Variants in LDB2 observed in about 807,000 individuals in gnomAD.
LDB2 encodes LIM domain-binding protein 2.
Under a neutral mutation model 44.3 loss-of-function variants are expected in LDB2, and 12 were observed. That is an observed-to-expected ratio of 0.27 (90% CI 0.17 to 0.44). The LOEUF is 0.44. Ranked by LOEUF, LDB2 falls within the 20% of genes least tolerant of loss-of-function variation. LDB2 has a pLI of 1.00. For synonymous variants in LDB2, 164 were observed against 174.8 expected, an observed-to-expected ratio of 0.94 and a Z score of 0.49; for missense variants, 344 against 473.5, an observed-to-expected ratio of 0.73 and a Z score of 2.54.
chr4:16,606,884 G>A (rs1230238023), intron 2 of LDB2, among the ~76,000 whole-genome samples: 2 of 152,276 alleles, frequency 1.3e-5, no homozygotes, highest in East Asian at 1.9e-4. Context: ...ATATCAACAC[G>A]ATTCATCTGG....
chr4:16,561,392 A>G (rs1212415244), intron 5 of LDB2, among the ~76,000 whole-genome samples: 1 of 152,164 alleles, frequency 6.6e-6, no homozygotes, highest in Non-Finnish European at 1.5e-5. Flanking sequence ...AAATCAATGT[A>G]CAAAAATCAC....
At chr4:16,524,466 G>A (rs1727471369) in intron 5 of LDB2, among the ~76,000 whole-genome samples, 1 of 152,138 alleles carries the variant, frequency 6.6e-6, no homozygotes, top group African/African-American at 2.4e-5. Flanking sequence ...ATCTCAGGCA[G>A]AGGAAATATA....
At chr4:16,740,998 G>GA (rs1763134053) in intron 2 of LDB2, among the ~76,000 whole-genome samples, 1 of 152,088 alleles carries the variant, frequency 6.6e-6, no homozygotes, top group Non-Finnish European at 1.5e-5. Flanking sequence ...CTAGCCTGTG[G>GA]AAAAAAATGC....
At chr4:16,709,579 C>T (rs1022005438) in intron 2 of LDB2, among the ~76,000 whole-genome samples, 1 of 152,134 alleles carries the variant, frequency 6.6e-6, no homozygotes, top group Non-Finnish European at 1.5e-5. Context: ...AGGGTAAGAA[C>T]CTTCTGTACA....
chr4:16,634,809 A>T (rs7670074), intron 2 of LDB2, among the ~76,000 whole-genome samples: 2,268 of 152,324 alleles, frequency 0.015, 55 homozygotes, highest in African/African-American at 0.051. Flanking sequence ...CCAAAGGATT[A>T]TAAATCATTC....
intron 5 of LDB2, among the ~76,000 whole-genome samples, chr4:16,559,741 A>G (rs989757462): frequency 6.6e-6 from 1 of 152,094 alleles, no homozygotes; most frequent in African/African-American, 2.4e-5. Flanking sequence ...AGAACTCTCC[A>G]CCCCAAATCA....
rs555099261 is a variant in LDB2 at position 16,550,902 on chromosome 4, A to G, written c.615+35020T>C. The stretch of plus-strand genomic sequence containing the variant: ...AATACATAAATGTTTGCATATTCCT[A>G]TAATACAACTCCTTGCTGTACTTAA... On this transcript the variant is annotated intron_variant, in intron 5 of 7. Coordinates refer to ENST00000304523, the MANE Select transcript of LDB2 (RefSeq NM_001290.5). Among the ~76,000 whole-genome samples, 29 of 152,372 alleles carry G rather than the reference A, an allele frequency of 1.9e-4. No individual in the cohort carries two copies. The South Asian group carries it at 3.5e-3, about 18-fold the overall frequency.
At chr4:16,505,654 G>A (rs1421956180) in intron 7 of LDB2, among the ~76,000 whole-genome samples, 1 of 150,996 alleles carries the variant, frequency 6.6e-6, no homozygotes, top group African/African-American at 2.4e-5. Flanking sequence ...GGCAGTGAGA[G>A]TACATTTCCT....
intron 1 of LDB2, among the ~76,000 whole-genome samples, chr4:16,766,631 G>C (rs1055493030): frequency 6.6e-6 from 1 of 151,364 alleles, no homozygotes; most frequent in African/African-American, 2.4e-5. Flanking sequence ...TCAGCCACGC[G>C]AGTAGCTGGG....
chr4:16,815,483 G>C (rs1780726108), intron 1 of LDB2, among the ~76,000 whole-genome samples: 1 of 152,184 alleles, frequency 6.6e-6, no homozygotes, highest in African/African-American at 2.4e-5. Context: ...AGGTTATGTG[G>C]TGTTTATTGA....
At chr4:16,760,141 T>A (rs1354108607) in intron 1 of LDB2, among the ~76,000 whole-genome samples, 2 of 152,154 alleles carry the variant, frequency 1.3e-5, no homozygotes, top group Admixed American at 1.3e-4. Context: ...CCAAAATTCT[T>A]AAGCACCATG....
At chr4:16,800,642 T>C (rs370539943) in intron 1 of LDB2, among the ~76,000 whole-genome samples, 2 of 152,148 alleles carry the variant, frequency 1.3e-5, no homozygotes, top group African/African-American at 4.8e-5. Flanking sequence ...ATGAACTGGA[T>C]AGAGAGGAAT....
At chr4:16,894,979 A>G (rs984322987) in intron 1 of LDB2, among the ~76,000 whole-genome samples, 3 of 152,024 alleles carry the variant, frequency 2.0e-5, no homozygotes, top group East Asian at 1.9e-4. Context: ...CGGAACTCAC[A>G]CTTTTCTGGT....
intron 1 of LDB2, among the ~76,000 whole-genome samples, chr4:16,799,367 A>G (rs1777334747): frequency 1.3e-5 from 2 of 152,232 alleles, no homozygotes; most frequent in South Asian, 4.1e-4. Flanking sequence ...TAACCCACTT[A>G]GAGATGGAAC....
chr4:16,783,652 G>C (rs1773787517), intron 1 of LDB2, among the ~76,000 whole-genome samples: 1 of 152,232 alleles, frequency 6.6e-6, no homozygotes, highest in Non-Finnish European at 1.5e-5. Context: ...AGGGATATGA[G>C]AAGTAGACTC....
intron 2 of LDB2, among the ~76,000 whole-genome samples, chr4:16,636,154 A>T (rs150176354): frequency 1.6e-3 from 238 of 152,344 alleles, no homozygotes; most frequent in African/African-American, 4.1e-3. Context: ...CCTAAAAGTC[A>T]TCGTCATGTT....
At chr4:16,666,178 G>C (rs1246836053) in intron 2 of LDB2, among the ~76,000 whole-genome samples, 1 of 152,164 alleles carries the variant, frequency 6.6e-6, no homozygotes. Context: ...AGAGATGATG[G>C]AAAGCACAAT....
chr4:16,568,595 A>G (rs926264932), intron 5 of LDB2, among the ~76,000 whole-genome samples: 1 of 152,150 alleles, frequency 6.6e-6, no homozygotes, highest in East Asian at 1.9e-4. Context: ...GTTAGATGCA[A>G]TGTACTCATC....
chr4:16,643,813 C>T (rs1050772319), intron 2 of LDB2, among the ~76,000 whole-genome samples: 10 of 151,844 alleles, frequency 6.6e-5, no homozygotes, highest in African/African-American at 9.7e-5. Flanking sequence ...TAAAGTGTCA[C>T]GAATAAACTT....
Sources: gnomAD v4.1 joint callset for allele counts (sites outside exome capture counted in the v4.1 genomes callset) on GRCh38, gnomAD v4.1.1 for gene constraint, MANE v1.5 for transcripts, NCBI Gene and HGNC (gene_info 2026-07-23, HGNC 2026-07-21) for gene names.